ZNF66: variants seen among roughly 807,000 people sequenced by gnomAD.
The protein encoded by ZNF66 is putative zinc finger protein 66.
Under a neutral mutation model 35.2 loss-of-function variants are expected in ZNF66, and 32 were observed. That is an observed-to-expected ratio of 0.91 (90% confidence interval 0.69 to 1.22). The LOEUF is 1.22. Ranked by LOEUF, ZNF66 falls within the 50% of genes most tolerant of loss-of-function variation. The pLI is 0.00. For missense variants in ZNF66, 666 were observed against 543.1 expected (o/e 1.23, Z -2.25); for synonymous variants, 231 against 181.3 (o/e 1.27, Z -2.20).
At chr19:20,776,824 A>C (rs75584677) in intron 1 of ZNF66, among the ~76,000 whole-genome samples, 6,434 of 152,192 alleles carry the variant, frequency 0.042, 219 homozygotes, top group South Asian at 0.12. Flanking sequence ...TGCTATTAAA[A>C]TTGTATGGGG....
rs1971192880 is a variant in ZNF66, at chr19:20,776,329, GGTCGTC to G, written c.-118_-113del. The G allele has an allele frequency of 1.4e-6, 2 of 1,439,164 alleles. No homozygotes were observed. Among genetic ancestry groups the G allele is most frequent in the South Asian group, 2.3e-5 (2 of 87,462 alleles). The allele number at this position is 1,439,164 out of a possible 1,614,324, so 89.1% of individuals were successfully genotyped here. On this transcript the variant is annotated 5_prime_UTR_variant, in exon 1 of 4. Coordinates refer to ENST00000344519, the MANE Select transcript of ZNF66 (RefSeq NM_001355197.2). ...GTCTCTCCCTGCAGCTGGAGCTCCA[GGTCGTC>G]TGTTCACTGCTCTCTGTCTTCTTCT...
At chr19:20,793,332 C>CTTTTTTTTTTTTTTTTTTTTTTT (rs781748526) in intron 2 of ZNF66, among the ~76,000 whole-genome samples, 3 of 84,610 alleles carry the variant, frequency 3.5e-5, no homozygotes, top group Non-Finnish European at 4.3e-5. Context: ...CTTTTCTTTT[C>CTTTTTTTTTTTTTTTTTTTTTTT]TTTTTTTTTT....
intron 3 of ZNF66, among the ~76,000 whole-genome samples, chr19:20,803,281 G>A (rs1971467532): frequency 6.7e-6 from 1 of 149,526 alleles, no homozygotes; most frequent in African/African-American, 2.4e-5. Context: ...TTTTATTCTT[G>A]TGTCTTTGTC....
chr19:20,791,033 A>T (rs191937964), intron 1 of ZNF66, among the ~76,000 whole-genome samples: 1 of 152,326 alleles, frequency 6.6e-6, no homozygotes, highest in Admixed American at 6.5e-5. Context: ...GATCTGCAAT[A>T]TTAAAAATGT....
chr19:20,779,673 A>G (rs1259356536), intron 1 of ZNF66, among the ~76,000 whole-genome samples: 1 of 151,742 alleles, frequency 6.6e-6, no homozygotes, highest in Non-Finnish European at 1.5e-5. Context: ...TACTAAAAAT[A>G]CAAAAATTAC....
chr19:20,793,957 G>A, intron 3 of ZNF66, 79 bp downstream of exon 3: 1 of 678,066 alleles, frequency 1.5e-6, no homozygotes, highest in Non-Finnish European at 2.4e-6. Context: ...TCCTTAAGGT[G>A]TGATTCTGGA....
intron 3 of ZNF66, among the ~76,000 whole-genome samples, chr19:20,803,776 T>C (rs1173639251): frequency 6.6e-6 from 1 of 152,178 alleles, no homozygotes; most frequent in African/African-American, 2.4e-5. Flanking sequence ...GCATATGCAG[T>C]GGCAATATAC....
chr19:20,776,613 C>G lies in ZNF66; in HGVS notation c.3+163C>G. The G allele has an allele frequency of 2.8e-6, 3 of 1,059,760 alleles. No homozygotes were observed. The South Asian group carries it at 4.3e-5, about 15-fold the overall frequency. 65.6% of individuals were successfully genotyped at this position (1,059,760 alleles called of 1,614,324 possible). Reference sequence around the variant, plus strand: ...GGCGGCTACGCTGACAGCCTGGCCCCCGGGCGTCCTGTCGCTTCCCCGCGC... The same window carrying G: ...GGCGGCTACGCTGACAGCCTGGCCCGCGGGCGTCCTGTCGCTTCCCCGCGC... On this transcript the variant is annotated intron_variant, in intron 1 of 3. Coordinates refer to ENST00000344519, the MANE Select transcript of ZNF66 (RefSeq NM_001355197.2).
chr19:20,798,010 C>T (rs186279929), intron 3 of ZNF66, among the ~76,000 whole-genome samples: 47 of 152,146 alleles, frequency 3.1e-4, no homozygotes, highest in Non-Finnish European at 5.9e-4. Flanking sequence ...AATCAGGTTA[C>T]ATATGTATGT....
At chr19:20,798,943 C>T (rs1329702844) in intron 3 of ZNF66, 1 of 151,766 alleles carries the variant, frequency 6.6e-6, no homozygotes, top group Non-Finnish European at 1.5e-5. Context: ...CTGGTTTAGC[C>T]TTTTGGCTTT....
chr19:20,794,361 T>C (rs562571003), intron 3 of ZNF66: 2 of 153,028 alleles, frequency 1.3e-5, no homozygotes, highest in East Asian at 3.8e-4. Context: ...TCTTGAAATA[T>C]AGTTTGAAAT....
At chr19:20,786,258 T>G (rs1971286095) in intron 1 of ZNF66, among the ~76,000 whole-genome samples, 1 of 152,200 alleles carries the variant, frequency 6.6e-6, no homozygotes, top group African/African-American at 2.4e-5. Flanking sequence ...TCTGCCTATT[T>G]GGTATCTAGA....
intron 3 of ZNF66, among the ~76,000 whole-genome samples, chr19:20,799,743 T>A (rs1473923990): frequency 4.6e-5 from 7 of 152,228 alleles, no homozygotes; most frequent in Non-Finnish European, 7.3e-5. Context: ...GATCATTTGA[T>A]CATATACAGA....
rs1971510242 is a variant in ZNF66, at chr19:20,806,415, T to C, written c.815T>C (p.Leu272Pro). The C allele has an allele frequency of 2.6e-6, 4 of 1,562,484 alleles. No homozygotes were observed. Residue 272 changes from leucine (L) to proline (P), a missense_variant, in exon 4 of 4, where the codon CTT becomes CCT. Transcript: ENST00000344519. Reference protein sequence around the residue: ...CGKAFKRSSILTTHKRIHTGE... With the variant: ...CGKAFKRSSIPTTHKRIHTGE... ...AAGGCCTTTAAGCGCTCCTCTATCCTTACTACACATAAGAGAATTCATACT... is the reference window on the plus strand; with the variant it reads ...AAGGCCTTTAAGCGCTCCTCTATCCCTACTACACATAAGAGAATTCATACT...
At chr19:20,777,716 C>T (rs943146412) in intron 1 of ZNF66, among the ~76,000 whole-genome samples, 1 of 152,018 alleles carries the variant, frequency 6.6e-6, no homozygotes, top group Non-Finnish European at 1.5e-5. Context: ...ACCTCCACCT[C>T]ATGGGTTCAA....
intron 3 of ZNF66, among the ~76,000 whole-genome samples, chr19:20,801,928 C>T (rs754743859): frequency 6.6e-6 from 1 of 152,078 alleles, no homozygotes; most frequent in Non-Finnish European, 1.5e-5. Context: ...CATTTCATTT[C>T]ATTAAGTAGT....
intron 1 of ZNF66, among the ~76,000 whole-genome samples, chr19:20,781,168 A>C (rs1322224926): frequency 6.6e-6 from 1 of 152,132 alleles, no homozygotes; most frequent in Non-Finnish European, 1.5e-5. Context: ...TGGGACCACT[A>C]TCTGCAGCAA....
At chr19:20,793,324 T>TTTA (rs1971357773) in intron 2 of ZNF66, among the ~76,000 whole-genome samples, 4 of 80,364 alleles carry the variant, frequency 5.0e-5, no homozygotes, top group South Asian at 4.6e-4. Flanking sequence ...TTTCTTTTCT[T>TTTA]TTCTTTTCTT....
chr19:20,780,260 GCA>G (rs2144890334), intron 1 of ZNF66, among the ~76,000 whole-genome samples: 1 of 152,198 alleles, frequency 6.6e-6, no homozygotes, highest in East Asian at 1.9e-4. Context: ...TGTTCCTGGA[GCA>G]CACAAAGAAT....
Sources: allele counts gnomAD v4.1 joint callset (sites outside exome capture counted in the v4.1 genomes callset), GRCh38; gene constraint gnomAD v4.1.1; transcripts MANE v1.5; gene names NCBI Gene and HGNC (gene_info 2026-07-23, HGNC 2026-07-21).